SPDYA: variants seen among roughly 807,000 people sequenced by gnomAD.
SPDYA encodes speedy/RINGO cell cycle regulator family member A, also known as speedy protein A.
In SPDYA, 11 loss-of-function variants were observed where a neutral mutation model predicts 36.7. The observed-to-expected ratio is 0.30, with a 90% CI of 0.19 to 0.50. The LOEUF (loss-of-function observed/expected upper bound fraction) is 0.50. SPDYA is among the 20% of genes least tolerant of loss of function. The probability of loss-of-function intolerance (pLI) is 0.98; values close to 1 mark genes in which losing one functional copy is unlikely to be tolerated. For synonymous variants in SPDYA, 115 were observed against 118.7 expected, an observed-to-expected ratio of 0.97 and a Z score of 0.20; for missense variants, 287 against 370.9, an observed-to-expected ratio of 0.77 and a Z score of 1.86.
intron 7 of SPDYA, among the ~76,000 whole-genome samples, chr2:28,846,316 G>C (rs1039731410): frequency 6.6e-6 from 1 of 152,190 alleles, no homozygotes; most frequent in African/African-American, 2.4e-5. Flanking sequence ...ACTGAGGCAG[G>C]AGAATTGCTT....
At chr2:28,840,491 G>C in intron 7 of SPDYA, 22 bp downstream of exon 7, 1 of 1,609,898 alleles carries the variant, frequency 6.2e-7, no homozygotes, top group Non-Finnish European at 8.5e-7. Context: ...TAATATGCCA[G>C]AATTAGATTT....
intron 6 of SPDYA, among the ~76,000 whole-genome samples, chr2:28,834,163 A>C (rs1302026267): frequency 6.6e-6 from 1 of 152,106 alleles, no homozygotes. Context: ...GCAAATCAAA[A>C]GCACGATGAG....
chr2:28,828,871 T>TA (rs1353113550), intron 5 of SPDYA, among the ~76,000 whole-genome samples: 3 of 152,080 alleles, frequency 2.0e-5, no homozygotes, highest in South Asian at 2.1e-4. Flanking sequence ...CAGATCCACC[T>TA]AAAAAAATCA....
At chr2:28,844,804 GTGCC>G (rs1404287212) in intron 7 of SPDYA, among the ~76,000 whole-genome samples, 1 of 151,908 alleles carries the variant, frequency 6.6e-6, no homozygotes, top group East Asian at 1.9e-4. Context: ...CATGGTGCGG[GTGCC>G]TGTAGTCCCA....
chr2:28,817,492 T>G (rs1166364115), intron 3 of SPDYA, among the ~76,000 whole-genome samples: 2 of 148,564 alleles, frequency 1.3e-5, no homozygotes, highest in Non-Finnish European at 3.0e-5. Context: ...ACCCGGGAGG[T>G]GGAGGTTGCG....
intron 7 of SPDYA, among the ~76,000 whole-genome samples, chr2:28,846,963 T>C (rs1453378542): frequency 1.3e-5 from 2 of 152,154 alleles, no homozygotes; most frequent in Non-Finnish European, 2.9e-5. Context: ...AAAATAGGCA[T>C]TCAAAGCATT....
chr2:28,847,701 G>A (rs1444332494), intron 7 of SPDYA, among the ~76,000 whole-genome samples: 9 of 148,264 alleles, frequency 6.1e-5, no homozygotes, highest in Non-Finnish European at 7.4e-5. Flanking sequence ...AGCCAAGATC[G>A]TGTCACTGCA....
chr2:28,832,711 A>G (rs554749313), intron 6 of SPDYA, among the ~76,000 whole-genome samples: 1 of 152,084 alleles, frequency 6.6e-6, no homozygotes, highest in South Asian at 2.1e-4. Flanking sequence ...TCTTTTTCTT[A>G]TATTTGTACC....
intron 5 of SPDYA, among the ~76,000 whole-genome samples, chr2:28,825,918 A>AT (rs1227574390): frequency 6.7e-6 from 1 of 150,158 alleles, no homozygotes; most frequent in Admixed American, 6.7e-5. Flanking sequence ...TTTATTTTTT[A>AT]TTTTTTTTTA....
At chr2:28,828,195 C>T (rs761860933) in intron 5 of SPDYA, among the ~76,000 whole-genome samples, 11 of 152,048 alleles carry the variant, frequency 7.2e-5, no homozygotes, top group Non-Finnish European at 1.0e-4. Flanking sequence ...CTGTGTTGGC[C>T]AGGCAGATCT....
intron 4 of SPDYA, among the ~76,000 whole-genome samples, chr2:28,821,583 G>A (rs1056963357): frequency 3.9e-5 from 6 of 152,162 alleles, no homozygotes; most frequent in Admixed American, 3.9e-4. Flanking sequence ...ACTACCTGGA[G>A]TACTGTCTTA....
intron 7 of SPDYA, among the ~76,000 whole-genome samples, chr2:28,845,835 G>A (rs1383159133): frequency 4.6e-5 from 7 of 151,976 alleles, no homozygotes; most frequent in East Asian, 1.9e-4. Context: ...GTGAGCCACC[G>A]CGCCCGACCT....
chr2:28,844,697 G>C (rs1668828111), intron 7 of SPDYA, among the ~76,000 whole-genome samples: 1 of 152,116 alleles, frequency 6.6e-6, no homozygotes, highest in African/African-American at 2.4e-5. Context: ...ACTTTGGGAG[G>C]CCGAGGCGGG....
intron 3 of SPDYA, among the ~76,000 whole-genome samples, chr2:28,818,423 G>C (rs1170670972): frequency 1.4e-5 from 2 of 139,840 alleles, no homozygotes; most frequent in African/African-American, 5.4e-5. Flanking sequence ...GGGCAACATA[G>C]TGAGGCCCTG....
chr2:28,849,525 C>T lies in SPDYA; in HGVS notation c.851-325C>T, dbSNP rs1315055632. ...CAGACTAGTCTCGAACTCCTGACCTCAGGTGATCTGCCTGCCTTGGCCTCC... is the reference window on the plus strand; with the variant it reads ...CAGACTAGTCTCGAACTCCTGACCTTAGGTGATCTGCCTGCCTTGGCCTCC... On this transcript the variant is annotated intron_variant, in intron 7 of 7. Coordinates refer to ENST00000334056, the MANE Select transcript of SPDYA (RefSeq NM_182756.4). Among the ~76,000 whole-genome samples the T allele has an allele frequency of 7.2e-5, 11 of 152,376 alleles. No homozygotes were observed. In the East Asian group the frequency reaches 2.1e-3, roughly 29 times the overall value.
intron 7 of SPDYA, among the ~76,000 whole-genome samples, chr2:28,846,315 G>C (rs1668873570): frequency 6.6e-6 from 1 of 152,176 alleles, no homozygotes; most frequent in South Asian, 2.1e-4. Flanking sequence ...GACTGAGGCA[G>C]GAGAATTGCT....
chr2:28,826,611 CTTTTTTT>C (rs777338299), intron 5 of SPDYA, among the ~76,000 whole-genome samples: 27 of 75,352 alleles, frequency 3.6e-4, no homozygotes, highest in Admixed American at 1.1e-3. Flanking sequence ...TTCTTTCTCT[CTTTTTTT>C]TTTTTTTTTT....
At chr2:28,835,082 AC>A (rs1306072591) in intron 6 of SPDYA, among the ~76,000 whole-genome samples, 5 of 152,092 alleles carry the variant, frequency 3.3e-5, no homozygotes, top group Non-Finnish European at 7.4e-5. Flanking sequence ...TGTTTTTGAG[AC>A]AGGGTCTCAT....
chr2:28,840,655 C>A, intron 7 of SPDYA, 186 bp downstream of exon 7: 1 of 1,355,520 alleles, frequency 7.4e-7, no homozygotes. Context: ...TGGTGACCCA[C>A]CTAAACAGAT....
Sources: gnomAD v4.1 joint callset for allele counts (sites outside exome capture counted in the v4.1 genomes callset) on GRCh38, gnomAD v4.1.1 for gene constraint, MANE v1.5 for transcripts, NCBI Gene and HGNC (gene_info 2026-07-23, HGNC 2026-07-21) for gene names.